PCDH9: variants seen among roughly 807,000 people sequenced by gnomAD.
The protein encoded by PCDH9 is protocadherin-9.
Under a neutral mutation model 70.6 loss-of-function variants are expected in PCDH9, and 24 were observed. The observed-to-expected ratio is 0.34, with a 90% CI of 0.25 to 0.48. The LOEUF is 0.48. Ranked by LOEUF, PCDH9 falls within the 20% of genes least tolerant of loss-of-function variation. PCDH9 has a pLI of 0.99. For synonymous variants in PCDH9, 562 were observed against 558.5 expected, an observed-to-expected ratio of 1.01 and a Z score of -0.09; for missense variants, 1,281 against 1,503.6, an observed-to-expected ratio of 0.85 and a Z score of 2.45.
intron 3 of PCDH9, among the ~76,000 whole-genome samples, chr13:66,780,496 A>T (rs865874329): frequency 2.9e-4 from 44 of 152,120 alleles, no homozygotes; most frequent in Non-Finnish European, 5.1e-4. Context: ...AAACAGGTCC[A>T]TTCTCTCAAA....
chr13:66,644,467 A>C (rs2077746765), intron 3 of PCDH9, among the ~76,000 whole-genome samples: 2 of 152,004 alleles, frequency 1.3e-5, no homozygotes, highest in Non-Finnish European at 2.9e-5. Flanking sequence ...AGAAAGAGGA[A>C]GTAGACAAAC....
Position 67,228,138 on chromosome 13 carries a change from G to T in PCDH9, c.303C>A (p.Ala101=), listed in dbSNP as rs374361789. 3 of 1,614,144 alleles carry T rather than the reference G, an allele frequency of 1.9e-6. No individual in the cohort carries two copies. The South Asian group carries it at 3.3e-5, about 18-fold the overall frequency. ...RIDREKLCAG[A]SYAEENECFF... ...AACACTCATTCTCCTCAGCATATGA[G>T]GCGCCAGCACAGAGTTTTTCTCTGT... The change falls in exon 2 of 5, where the codon GCC becomes GCA. Residue 101 remains alanine, a synonymous_variant. Coordinates refer to ENST00000377865, the MANE Select transcript of PCDH9 (RefSeq NM_203487.3).
chr13:67,172,303 C>A (rs544441305), intron 2 of PCDH9, among the ~76,000 whole-genome samples: 1 of 152,310 alleles, frequency 6.6e-6, no homozygotes, highest in African/African-American at 2.4e-5. Flanking sequence ...TCATTCTAAA[C>A]ATACCTCTCC....
chr13:66,676,454 A>G (rs1223967414), intron 3 of PCDH9, among the ~76,000 whole-genome samples: 1 of 152,124 alleles, frequency 6.6e-6, no homozygotes, highest in African/African-American at 2.4e-5. Context: ...ATATGAGGAA[A>G]AATTAAATAC....
At chr13:67,195,088 A>G (rs921679090) in intron 2 of PCDH9, among the ~76,000 whole-genome samples, 16 of 152,216 alleles carry the variant, frequency 1.1e-4, no homozygotes, top group Admixed American at 3.3e-4. Context: ...GCCTATGAAA[A>G]TACCAGTCAA....
chr13:67,226,886 G>C lies in PCDH9; in HGVS notation c.1555C>G (p.Arg519Gly), dbSNP rs2089888518. ...GPNASFFDLD[R>G]KTGVLTASRV... ...GAGGCTGTCAAAACTCCTGTTTTTC[G>C]GTCCAGATCAAAGAAGGAGGCATTC... The change falls in exon 2 of 5, where the codon CGA becomes GGA. Residue 519 changes from arginine to glycine, a missense_variant. Physicochemically the swap from Arg to Gly is moderately radical, Grantham distance 125. Transcript: ENST00000377865. This position sits in a 1 kb window ranked among gnomAD's most constrained non-coding sequence, Gnocchi z 5.0. 1 of 1,613,936 alleles carries C rather than the reference G, an allele frequency of 6.2e-7. No individual in the cohort carries two copies. Among genetic ancestry groups the C allele is most frequent in the African/African-American group, 1.3e-5 (1 of 74,896 alleles).
At chr13:66,751,698 C>T (rs1420387733) in intron 3 of PCDH9, among the ~76,000 whole-genome samples, 1 of 152,122 alleles carries the variant, frequency 6.6e-6, no homozygotes, top group African/African-American at 2.4e-5. Flanking sequence ...CACTTATGTG[C>T]CCCTTTTAAC....
At chr13:67,070,040 G>T (rs992580616) in intron 2 of PCDH9, among the ~76,000 whole-genome samples, 1 of 150,672 alleles carries the variant, frequency 6.6e-6, no homozygotes, top group African/African-American at 2.4e-5. Flanking sequence ...CTGCTACTAG[G>T]TCATGCAGGT....
rs558956226 is a variant in PCDH9 at position 66,630,977 on chromosome 13, C to A, written c.3340+233G>T. Among the ~76,000 whole-genome samples the A allele has an allele frequency of 5.9e-5, 9 of 152,098 alleles. No individual in the cohort carries two copies. The East Asian group carries it at 9.7e-4, about 16-fold the overall frequency. ...TGGCTTCTTTCAGTTATATTTATAG[C>A]ATGTTTTTTTCTTTTTTAATGGTTC... On this transcript the variant is annotated intron_variant, in intron 4 of 4. Coordinates refer to ENST00000377865, the MANE Select transcript of PCDH9 (RefSeq NM_203487.3).
At chr13:66,967,667 T>C (rs1221016503) in intron 2 of PCDH9, among the ~76,000 whole-genome samples, 6 of 152,032 alleles carry the variant, frequency 3.9e-5, no homozygotes, top group Non-Finnish European at 7.4e-5. Flanking sequence ...AAATTTTTTC[T>C]TAACAAATGC....
chr13:66,940,759 A>G (rs1008759966), intron 2 of PCDH9, among the ~76,000 whole-genome samples: 1 of 96 alleles, frequency 0.01, no homozygotes, highest in Admixed American at 0.083. Flanking sequence ...AGCTTAAAGA[A>G]GTAAAAATGT....
chr13:66,720,569 C>A (rs1036336672), intron 3 of PCDH9, among the ~76,000 whole-genome samples: 2 of 151,900 alleles, frequency 1.3e-5, no homozygotes, highest in African/African-American at 4.8e-5. Context: ...AAAATGGACA[C>A]TTTTTTCTTC....
chr13:66,749,463 G>A (rs2079424161), intron 3 of PCDH9, among the ~76,000 whole-genome samples: 1 of 152,086 alleles, frequency 6.6e-6, no homozygotes, highest in African/African-American at 2.4e-5. Flanking sequence ...GTAACTCTAT[G>A]ACCTAAGCAC....
chr13:66,515,398 A>G (rs1266293900), intron 4 of PCDH9, among the ~76,000 whole-genome samples: 1 of 152,054 alleles, frequency 6.6e-6, no homozygotes, highest in Non-Finnish European at 1.5e-5. Flanking sequence ...CATTATTATA[A>G]TATTCTTAAG....
At chr13:66,936,494 T>C (rs1179798703) in intron 2 of PCDH9, among the ~76,000 whole-genome samples, 1 of 152,282 alleles carries the variant, frequency 6.6e-6, no homozygotes, top group African/African-American at 2.4e-5. Context: ...AATTATGCCA[T>C]CATGTTGGGT....
intron 4 of PCDH9, among the ~76,000 whole-genome samples, chr13:66,513,323 T>C (rs546760410): frequency 1.3e-5 from 2 of 152,100 alleles, no homozygotes; most frequent in African/African-American, 2.4e-5. Context: ...TGCTATAATA[T>C]ATGTAACTTT....
intron 3 of PCDH9, among the ~76,000 whole-genome samples, chr13:66,681,354 T>C (rs2078316654): frequency 6.6e-6 from 1 of 152,124 alleles, no homozygotes; most frequent in African/African-American, 2.4e-5. Context: ...TTTAATTGTT[T>C]CCATTACATT....
intron 2 of PCDH9, chr13:67,225,168 CT>C: frequency 1.5e-6 from 2 of 1,375,526 alleles, no homozygotes; most frequent in Non-Finnish European, 1.9e-6. Flanking sequence ...CTCTTTTCAT[CT>C]TTTGCCATTT....
At chr13:66,385,072 A>T (rs544991077) in intron 4 of PCDH9, among the ~76,000 whole-genome samples, 3 of 150,980 alleles carry the variant, frequency 2.0e-5, no homozygotes, top group Admixed American at 1.3e-4. Flanking sequence ...TGTATTTGAC[A>T]TTTTTTTTTA....
Sources: gnomAD v4.1 joint callset for allele counts (sites outside exome capture counted in the v4.1 genomes callset) on GRCh38, gnomAD v4.1.1 for gene constraint, Gnocchi (gnomAD v3.1) non-coding constraint, MANE v1.5 for transcripts, NCBI Gene and HGNC (gene_info 2026-07-23, HGNC 2026-07-21) for gene names.